The following PTPN13 variants were observed in gnomAD, a reference collection of about 807,000 sequenced individuals.
PTPN13 encodes tyrosine-protein phosphatase non-receptor type 13.
A neutral mutation model predicts 284.0 loss-of-function variants in PTPN13; 191 were observed. That is an observed-to-expected ratio of 0.67 (90% CI 0.60 to 0.76). PTPN13 has a LOEUF of 0.76. PTPN13 is among the 30% of genes least tolerant of loss of function. PTPN13 has a pLI of 0.00. For synonymous variants in PTPN13, 986 were observed against 1,022.3 expected (o/e 0.96, Z 0.68); for missense variants, 2,797 against 2,939.9 (o/e 0.95, Z 1.12).
At chr4:86,609,067 G>T (rs886851386) in intron 1 of PTPN13, among the ~76,000 whole-genome samples, 11 of 152,054 alleles carry the variant, frequency 7.2e-5, no homozygotes, top group Non-Finnish European at 1.5e-4. Flanking sequence ...ATTCACAATT[G>T]GTTGCCATTT....
chr4:86,775,152 C>A lies in PTPN13; in HGVS notation c.5509-19C>A. 6.4e-7 allele frequency: 1 copy of A among 1,553,172 alleles called. No homozygotes were observed. The highest frequency in any genetic ancestry group is 2.1e-5 in the Admixed American group (1 of 46,798). ...TCTAAAAATTGTGATCTTCACATGC[C>A]CCTTTCTTGTTTTTGTAGGTTAATG... On this transcript the variant is annotated intron_variant, in intron 33 of 47. Transcript: ENST00000411767.
chr4:86,774,214 C>T (rs1740339857), intron 32 of PTPN13, among the ~76,000 whole-genome samples, 159 bp from the exon 33 acceptor site: 1 of 152,142 alleles, frequency 6.6e-6, no homozygotes, highest in African/African-American at 2.4e-5. Context: ...ATCAGACAGA[C>T]TGTCTAGAGT....
At position 86,753,056 on chromosome 4, in the gene PTPN13, A is replaced by G. The variant is rs773841580; in HGVS notation, c.3214A>G (p.Lys1072Glu). The G allele has an allele frequency of 1.2e-6, 2 of 1,605,846 alleles. No individual in the cohort carries two copies. The highest frequency in any genetic ancestry group is 2.2e-5 in the East Asian group (1 of 44,648). Residue 1072 changes from lysine to glutamate, a missense_variant, in exon 20 of 48, where the codon AAA (lysine) becomes GAA (glutamate). Transcript: ENST00000411767. The stretch of plus-strand genomic sequence containing the variant: ...AAACTCTTCATCCCAAGTACCCTTA[A>G]AAGAAAATGGTAGGTTTACAAAATG... ...SGNSSSQVPLKENDVLHKRWS... is the reference protein window; with the variant it reads ...SGNSSSQVPLEENDVLHKRWS...
At chr4:86,741,095 C>T (rs1413791544) in intron 15 of PTPN13, among the ~76,000 whole-genome samples, 1 of 152,134 alleles carries the variant, frequency 6.6e-6, no homozygotes, top group Non-Finnish European at 1.5e-5. Context: ...CAAACTTTCC[C>T]ACATTTTCCT....
chr4:86,767,680 TCTCCCCC>T, intron 27 of PTPN13, 130 bp from the exon 28 acceptor site: 1 of 618,192 alleles, frequency 1.6e-6, no homozygotes, highest in Non-Finnish European at 2.6e-6. Context: ...ATTTTTTTTT[TCTCCCCC>T]TTCATTTGGT....
chr4:86,627,888 CAG>C (rs1183395394), intron 1 of PTPN13, among the ~76,000 whole-genome samples: 2 of 152,110 alleles, frequency 1.3e-5, no homozygotes, highest in African/African-American at 4.8e-5. Context: ...TCACATGTAT[CAG>C]TAATAATTTT....
intron 1 of PTPN13, among the ~76,000 whole-genome samples, chr4:86,634,666 C>T (rs1157845916): frequency 6.6e-6 from 1 of 152,126 alleles, no homozygotes; most frequent in African/African-American, 2.4e-5. Context: ...GGAAAAGTGA[C>T]TCTCCCAGGG....
chr4:86,781,103 G>C (rs1057470300), intron 36 of PTPN13, among the ~76,000 whole-genome samples: 1 of 152,144 alleles, frequency 6.6e-6, no homozygotes, highest in Admixed American at 6.5e-5. Context: ...TTCTTGCAAG[G>C]AATATTAAAA....
intron 3 of PTPN13, 100 bp from the exon 4 acceptor site, chr4:86,686,610 T>C: frequency 3.9e-6 from 3 of 775,378 alleles, no homozygotes; most frequent in South Asian, 3.5e-5. Flanking sequence ...AAATTGTGTA[T>C]TATATTTTCT....
chr4:86,655,969 C>T (rs2148826608), intron 2 of PTPN13, among the ~76,000 whole-genome samples: 1 of 152,214 alleles, frequency 6.6e-6, no homozygotes, highest in South Asian at 2.1e-4. Flanking sequence ...CTAAACTTCT[C>T]TTCTCGCTTC....
chr4:86,735,058 A>T (rs528163936), intron 14 of PTPN13, among the ~76,000 whole-genome samples, 183 bp downstream of exon 14: 1 of 151,518 alleles, frequency 6.6e-6, no homozygotes, highest in Non-Finnish European at 1.5e-5. Context: ...GAAGTGTGGG[A>T]TTTTTTTTTC....
chr4:86,712,500 T>A (rs1335729087), intron 7 of PTPN13, among the ~76,000 whole-genome samples: 1 of 152,062 alleles, frequency 6.6e-6, no homozygotes, highest in Non-Finnish European at 1.5e-5. Context: ...TATTCATAAA[T>A]TTTCCAAGAC....
At chr4:86,667,924 A>G (rs1209096543) in intron 2 of PTPN13, among the ~76,000 whole-genome samples, 2 of 152,184 alleles carry the variant, frequency 1.3e-5, no homozygotes, top group Non-Finnish European at 2.9e-5. Context: ...TGTGTGGAAG[A>G]TGAAAAATAA....
intron 4 of PTPN13, 111 bp downstream of exon 4, chr4:86,686,886 A>G: frequency 1.3e-6 from 1 of 742,328 alleles, no homozygotes; most frequent in Non-Finnish European, 2.2e-6. Context: ...TGTCAGGTGT[A>G]CCAACATTCC....
intron 38 of PTPN13, 79 bp from the exon 39 acceptor site, chr4:86,785,152 A>G: frequency 8.7e-7 from 1 of 1,148,980 alleles, no homozygotes; most frequent in Non-Finnish European, 1.2e-6. Flanking sequence ...AGCACCTAGC[A>G]AATTCTGTTT....
chr4:86,708,566 T>C (rs550943349), intron 7 of PTPN13, among the ~76,000 whole-genome samples: 1 of 152,268 alleles, frequency 6.6e-6, no homozygotes, highest in East Asian at 1.9e-4. Context: ...ATGGTTCACA[T>C]AGACCCAGTT....
intron 31 of PTPN13, 149 bp from the exon 32 acceptor site, chr4:86,772,629 T>C (rs1233823762): frequency 3.7e-6 from 2 of 546,422 alleles, no homozygotes; most frequent in African/African-American, 3.9e-5. Flanking sequence ...ATGGAGTAAA[T>C]TCATAGTCCA....
At chr4:86,705,798 C>T (rs1334005018) in intron 7 of PTPN13, among the ~76,000 whole-genome samples, 1 of 151,282 alleles carries the variant, frequency 6.6e-6, no homozygotes, top group Non-Finnish European at 1.5e-5. Flanking sequence ...TTCAGAATAT[C>T]AGTCTAAGGA....
At chr4:86,810,281 T>C (rs907070662) in intron 46 of PTPN13, among the ~76,000 whole-genome samples, 3 of 152,150 alleles carry the variant, frequency 2.0e-5, no homozygotes, top group African/African-American at 7.2e-5. Flanking sequence ...TTATAGTCTT[T>C]AGGCTTGTAT....
Sources: allele counts gnomAD v4.1 joint callset (sites outside exome capture counted in the v4.1 genomes callset), GRCh38; gene constraint gnomAD v4.1.1; transcripts MANE v1.5; gene names NCBI Gene and HGNC (gene_info 2026-07-23, HGNC 2026-07-21).